Variants in RGS7 observed in about 807,000 individuals in gnomAD.
RGS7 encodes the protein regulator of G-protein signaling 7.
RGS7 carries 27 observed loss-of-function variants against 81.1 expected under a neutral mutation model. The ratio of observed to expected loss-of-function variants is 0.33; its 90% CI spans 0.25 to 0.46. The LOEUF is 0.46. Ranked by LOEUF, RGS7 falls within the 20% of genes least tolerant of loss-of-function variation. RGS7 has a pLI of 1.00. For missense variants in RGS7, 396 were observed against 607.4 expected (o/e 0.65, Z 3.66); for synonymous variants, 208 against 207.7 (o/e 1.00, Z -0.01).
intron 2 of RGS7, among the ~76,000 whole-genome samples, chr1:241,247,317 A>G (rs927782922): frequency 6.6e-6 from 1 of 152,216 alleles, no homozygotes; most frequent in African/African-American, 2.4e-5. Flanking sequence ...TTACAATGCT[A>G]TTATTATTTG....
chr1:240,814,493 T>A (rs375477852), intron 12 of RGS7, among the ~76,000 whole-genome samples: 1 of 152,244 alleles, frequency 6.6e-6, no homozygotes, highest in African/African-American at 2.4e-5. Context: ...AAGGACTGGA[T>A]GTCTAGACAT....
intron 2 of RGS7, among the ~76,000 whole-genome samples, chr1:241,267,265 G>A (rs2077641224): frequency 6.6e-6 from 1 of 152,024 alleles, no homozygotes; most frequent in East Asian, 1.9e-4. Context: ...CTTGCATGGA[G>A]GGGTCTGAGT....
chr1:240,839,082 GAC>G (rs1240324484), intron 9 of RGS7, among the ~76,000 whole-genome samples: 1 of 152,168 alleles, frequency 6.6e-6, no homozygotes, highest in African/African-American at 2.4e-5. Context: ...CTGTCTTTAA[GAC>G]AGCAATGCCT....
intron 3 of RGS7, among the ~76,000 whole-genome samples, chr1:241,038,028 T>A (rs890526257): frequency 6.6e-6 from 1 of 152,132 alleles, no homozygotes; most frequent in Non-Finnish European, 1.5e-5. Flanking sequence ...TCAGGTATAA[T>A]GGGTATACCA....
chr1:240,816,510 C>A, intron 10 of RGS7, 95 bp from the exon 11 acceptor site: 1 of 783,292 alleles, frequency 1.3e-6, no homozygotes, highest in Non-Finnish European at 2.2e-6. Context: ...TCAGTAAGGT[C>A]TCTCAAAGCT....
At chr1:241,268,627 G>A (rs532242643) in intron 2 of RGS7, among the ~76,000 whole-genome samples, 4 of 152,166 alleles carry the variant, frequency 2.6e-5, no homozygotes, top group African/African-American at 9.6e-5. Context: ...AGGGAAAGTG[G>A]GGATGTAAAT....
intron 3 of RGS7, among the ~76,000 whole-genome samples, chr1:241,085,313 T>C (rs1341071184): frequency 6.6e-6 from 1 of 152,182 alleles, no homozygotes; most frequent in Non-Finnish European, 1.5e-5. Flanking sequence ...TTAATATGGA[T>C]AGGCTGGGGG....
chr1:240,794,490 G>C (rs188748920), intron 18 of RGS7, among the ~76,000 whole-genome samples: 32 of 152,308 alleles, frequency 2.1e-4, no homozygotes, highest in Admixed American at 1.8e-3. Flanking sequence ...TTATTTATGG[G>C]GAACAAATCC....
intron 2 of RGS7, among the ~76,000 whole-genome samples, chr1:241,145,762 ATAAAT>A (rs1485342900): frequency 2.6e-5 from 4 of 152,176 alleles, no homozygotes; most frequent in South Asian, 2.1e-4. Context: ...AAACAAATAA[ATAAAT>A]TAAATAATAA....
rs1553320967 is a variant in RGS7, at chr1:241,327,147, G to GAAAAGA, written c.78+28551_78+28552insTCTTTT. Among the ~76,000 whole-genome samples, 137 of 74,384 alleles carry GAAAAGA rather than the reference G, an allele frequency of 1.8e-3. 6 individuals carry two copies. The highest frequency in any genetic ancestry group is 5.8e-3 in the Admixed American group (45 of 7,796). The allele number at this position is 74,384 out of a possible 152,430, so 48.8% of individuals were successfully genotyped here. On this transcript the variant is annotated intron_variant, in intron 2 of 18. Transcript: ENST00000440928. ...GAAAGAAAGAAAGAAAGAAAGAAAG[G>GAAAAGA]AAAGAAAGAAAGAAAGAAACACACA...
At chr1:241,002,303 A>G (rs1688262240) in intron 3 of RGS7, among the ~76,000 whole-genome samples, 1 of 151,940 alleles carries the variant, frequency 6.6e-6, no homozygotes, top group South Asian at 2.1e-4. Flanking sequence ...AAAAAAAAAA[A>G]TTAGCCGAGC....
At chr1:241,230,471 C>T (rs2075592361) in intron 2 of RGS7, among the ~76,000 whole-genome samples, 1 of 152,194 alleles carries the variant, frequency 6.6e-6, no homozygotes, top group African/African-American at 2.4e-5. Flanking sequence ...ACCTTAGCCT[C>T]CCAAAGTTCT....
At chr1:241,005,192 T>C (rs2058620067) in intron 3 of RGS7, among the ~76,000 whole-genome samples, 1 of 152,186 alleles carries the variant, frequency 6.6e-6, no homozygotes, top group South Asian at 2.1e-4. Context: ...CAATCACTTC[T>C]ATGAAGTTGC....
At chr1:241,199,372 T>G (rs552525291) in intron 2 of RGS7, among the ~76,000 whole-genome samples, 1 of 151,682 alleles carries the variant, frequency 6.6e-6, no homozygotes, top group East Asian at 2.0e-4. Flanking sequence ...TGCACTGAGC[T>G]GAGATTGCGC....
At chr1:241,193,278 G>A (rs73131679) in intron 2 of RGS7, among the ~76,000 whole-genome samples, 3 of 152,216 alleles carry the variant, frequency 2.0e-5, no homozygotes, top group Middle Eastern at 6.8e-3. Context: ...TAATTCTCCC[G>A]CAAGACCTCA....
intron 2 of RGS7, among the ~76,000 whole-genome samples, chr1:241,191,802 A>G (rs918859340): frequency 3.3e-5 from 5 of 152,164 alleles, no homozygotes; most frequent in African/African-American, 1.2e-4. Flanking sequence ...CAAATTCTCG[A>G]TTTCATGTTG....
intron 3 of RGS7, among the ~76,000 whole-genome samples, chr1:241,015,904 A>G (rs2059194433): frequency 6.6e-6 from 1 of 152,208 alleles, no homozygotes; most frequent in Non-Finnish European, 1.5e-5. Flanking sequence ...AATATTTACC[A>G]AGTTCTGTGG....
chr1:241,244,858 A>G (rs2076440932), intron 2 of RGS7, among the ~76,000 whole-genome samples: 1 of 151,594 alleles, frequency 6.6e-6, no homozygotes, highest in Admixed American at 6.6e-5. Context: ...TCGCAAGGAC[A>G]AAAAAACCAA....
chr1:240,784,474 A>C (rs1240548222), intron 18 of RGS7, among the ~76,000 whole-genome samples: 1 of 151,138 alleles, frequency 6.6e-6, no homozygotes, highest in Non-Finnish European at 1.5e-5. Flanking sequence ...CCTCGTCTCT[A>C]CAAAAAAAAA....
Sources: gnomAD v4.1 joint callset for allele counts (sites outside exome capture counted in the v4.1 genomes callset) on GRCh38, gnomAD v4.1.1 for gene constraint, MANE v1.5 for transcripts, NCBI Gene and HGNC (gene_info 2026-07-23, HGNC 2026-07-21) for gene names.